ADCY10: variants seen among roughly 807,000 people sequenced by gnomAD.
ADCY10 encodes the protein adenylate cyclase 10.
In ADCY10, 156 loss-of-function variants were observed where a neutral mutation model predicts 183.3. That is an observed-to-expected ratio of 0.85 (90% CI 0.75 to 0.97). The LOEUF is 0.97. Among genes scored for constraint, ADCY10 ranks in the 50% least tolerant of loss-of-function variants. ADCY10 has a pLI of 0.00. For missense variants in ADCY10, 1,745 were observed against 1,934.3 expected (o/e 0.90, Z 1.84); for synonymous variants, 645 against 670.0 (o/e 0.96, Z 0.58).
rs989059074 is a variant in ADCY10, at chr1:167,872,540, G to A, written c.1463-2130C>T. On this transcript the variant is annotated intron_variant, in intron 13 of 32. Transcript: ENST00000367851. Reference sequence around the variant, plus strand: ...TCTATCTAAGCAAAGCCTCAATATCGGGGACTGTTGTATGCAGTTTTTACC... The same window carrying A: ...TCTATCTAAGCAAAGCCTCAATATCAGGGACTGTTGTATGCAGTTTTTACC... Among the ~76,000 whole-genome samples, 6 of 151,714 alleles carry A rather than the reference G, an allele frequency of 4.0e-5. No individual in the cohort carries two copies. In the South Asian group the frequency reaches 8.4e-4, roughly 21 times the overall value.
chr1:167,892,346 G>C (rs1197391951), intron 8 of ADCY10, among the ~76,000 whole-genome samples: 1 of 152,172 alleles, frequency 6.6e-6, no homozygotes. Flanking sequence ...TTGGAAAAGA[G>C]GACTACGGTA....
intron 14 of ADCY10, among the ~76,000 whole-genome samples, chr1:167,866,744 T>A (rs942011956): frequency 7.9e-6 from 1 of 126,810 alleles, no homozygotes; most frequent in Non-Finnish European, 1.6e-5. Context: ...ATAAAGAAAG[T>A]TCACTTAAAA....
chr1:167,877,729 A>G (rs189981782), intron 12 of ADCY10, among the ~76,000 whole-genome samples: 22 of 152,308 alleles, frequency 1.4e-4, no homozygotes, highest in Non-Finnish European at 1.5e-5. Context: ...AAAGGGGGAA[A>G]GAGCTTAACT....
chr1:167,827,661 C>T (rs1296448349), intron 26 of ADCY10, among the ~76,000 whole-genome samples: 2 of 151,708 alleles, frequency 1.3e-5, no homozygotes, highest in East Asian at 3.9e-4. Context: ...TTTCAGAGAC[C>T]ACATGAGGTC....
intron 1 of ADCY10, among the ~76,000 whole-genome samples, chr1:167,905,599 TA>T (rs34148403): frequency 8.3e-4 from 121 of 145,628 alleles, no homozygotes; most frequent in Non-Finnish European, 9.4e-4. Context: ...TTTCTCTCTT[TA>T]AAAAAAAAAA....
chr1:167,852,595 T>C (rs969616018), intron 18 of ADCY10, among the ~76,000 whole-genome samples: 3 of 152,174 alleles, frequency 2.0e-5, no homozygotes, highest in African/African-American at 7.2e-5. Flanking sequence ...TTAATATTAT[T>C]ATAATGGAAT....
intron 8 of ADCY10, among the ~76,000 whole-genome samples, chr1:167,884,305 G>T (rs761501918): frequency 6.6e-6 from 1 of 152,146 alleles, no homozygotes; most frequent in African/African-American, 2.4e-5. Flanking sequence ...GGAGAAGCAG[G>T]CACTTCTTAT....
At chr1:167,897,189 A>G (rs535488424) in intron 6 of ADCY10, among the ~76,000 whole-genome samples, 45 of 151,604 alleles carry the variant, frequency 3.0e-4, no homozygotes, top group African/African-American at 1.1e-3. Context: ...AAAAAAAAAA[A>G]GCATAAACTT....
Position 167,811,822 on chromosome 1 carries a change from G to T in ADCY10, c.4483-909C>A, listed in dbSNP as rs149845436. 2.5e-3 allele frequency among the ~76,000 whole-genome samples: 386 copies of T among 152,250 alleles called. 1 individual carries two copies. Among genetic ancestry groups the T allele is most frequent in the African/African-American group, 8.7e-3 (362 of 41,524 alleles). ...ACCGGTCTGGGAGTTAAAAACTCTA[G>T]GGAGAAGAGGATTCTGGAGAGACGG... is the stretch of plus-strand genomic sequence containing the variant. On this transcript the variant is annotated intron_variant, in intron 31 of 32. Transcript: ENST00000367851.
chr1:167,866,328 C>A (rs1666682281), intron 14 of ADCY10, among the ~76,000 whole-genome samples: 1 of 152,036 alleles, frequency 6.6e-6, no homozygotes, highest in African/African-American at 2.4e-5. Context: ...ACGAGGAATA[C>A]CAGATCAATT....
At chr1:167,830,100 A>ACT (rs1276284986) in intron 25 of ADCY10, among the ~76,000 whole-genome samples, 5 of 152,154 alleles carry the variant, frequency 3.3e-5, no homozygotes, top group Non-Finnish European at 7.3e-5. Flanking sequence ...ACGGGTAGCT[A>ACT]CTCTATGTCT....
chr1:167,853,644 T>G (rs1229594755), intron 18 of ADCY10, among the ~76,000 whole-genome samples: 1 of 152,128 alleles, frequency 6.6e-6, no homozygotes, highest in Non-Finnish European at 1.5e-5. Context: ...GCCTCCTTCA[T>G]GCCATCACTT....
intron 17 of ADCY10, 58 bp downstream of exon 17, chr1:167,856,107 C>G (rs1455765686): frequency 1.3e-5 from 20 of 1,586,482 alleles, no homozygotes; most frequent in Non-Finnish European, 1.6e-5. Flanking sequence ...CTGATGAAGT[C>G]TAGACCGAGG....
intron 13 of ADCY10, among the ~76,000 whole-genome samples, chr1:167,871,132 A>G (rs1156228570): frequency 1.3e-5 from 2 of 152,070 alleles, no homozygotes; most frequent in Non-Finnish European, 2.9e-5. Flanking sequence ...AGACTATTAC[A>G]TTAGGAAATA....
chr1:167,864,895 G>GAAA (rs59361245), intron 14 of ADCY10, among the ~76,000 whole-genome samples: 8,640 of 129,146 alleles, frequency 0.067, 507 homozygotes, highest in East Asian at 0.27. Flanking sequence ...TTGCTAACAG[G>GAAA]AAAAAAAAAA....
At chr1:167,847,504 C>T (rs1485991444) in intron 19 of ADCY10, among the ~76,000 whole-genome samples, 5 of 151,948 alleles carry the variant, frequency 3.3e-5, no homozygotes, top group African/African-American at 1.2e-4. Context: ...CAACCTCCGC[C>T]TCCTGGGTTC....
intron 20 of ADCY10, 37 bp downstream of exon 20, chr1:167,845,948 C>T (rs533189792): frequency 1.2e-6 from 2 of 1,614,084 alleles, no homozygotes; most frequent in South Asian, 1.1e-5. Flanking sequence ...TAGATGGGTC[C>T]TTAAGAGGAA....
intron 1 of ADCY10, among the ~76,000 whole-genome samples, chr1:167,911,526 C>T (rs1008682575): frequency 3.9e-5 from 6 of 152,132 alleles, no homozygotes; most frequent in African/African-American, 1.4e-4. Flanking sequence ...TCTCCTCTAC[C>T]TTTGCCTCTT....
intron 14 of ADCY10, among the ~76,000 whole-genome samples, chr1:167,862,224 T>C (rs1350778237): frequency 6.6e-6 from 1 of 152,204 alleles, no homozygotes; most frequent in Non-Finnish European, 1.5e-5. Context: ...ATTCTTAGCC[T>C]CTAGGGCCTC....
Sources: allele counts gnomAD v4.1 joint callset (sites outside exome capture counted in the v4.1 genomes callset), GRCh38; gene constraint gnomAD v4.1.1; transcripts MANE v1.5; gene names NCBI Gene and HGNC (gene_info 2026-07-23, HGNC 2026-07-21).